The following PRKAR2A variants were observed in gnomAD, a reference collection of about 807,000 sequenced individuals.
PRKAR2A encodes protein kinase cAMP-dependent type II regulatory subunit alpha.
A neutral mutation model predicts 51.9 loss-of-function variants in PRKAR2A; 29 were observed. The ratio of observed to expected loss-of-function variants is 0.56; its 90% CI spans 0.42 to 0.76. The LOEUF (loss-of-function observed/expected upper bound fraction) is 0.76, where lower values mean the gene tolerates loss of function less well. Ranked by LOEUF, PRKAR2A falls within the 30% of genes least tolerant of loss-of-function variation. PRKAR2A has a pLI of 0.00. For synonymous variants in PRKAR2A, 178 were observed against 186.2 expected (o/e 0.96, Z 0.36); for missense variants, 445 against 512.1 (o/e 0.87, Z 1.26).
At chr3:48,799,302 C>T (rs967107678) in intron 2 of PRKAR2A, among the ~76,000 whole-genome samples, 1 of 152,074 alleles carries the variant, frequency 6.6e-6, no homozygotes, top group African/African-American at 2.4e-5. Context: ...CCTGTAATCC[C>T]AATACTTTGG....
At chr3:48,810,914 T>A (rs762205635) in intron 1 of PRKAR2A, among the ~76,000 whole-genome samples, 5 of 152,188 alleles carry the variant, frequency 3.3e-5, no homozygotes, top group Non-Finnish European at 5.9e-5. Context: ...CAGTGGCTCA[T>A]GCTTATAATC....
In PRKAR2A at chr3:48,782,150, C is replaced by G. The variant is rs575384410; in HGVS notation, c.542+836G>C. Among the ~76,000 whole-genome samples, 4 of 152,216 alleles carry G rather than the reference C, an allele frequency of 2.6e-5. No homozygotes were observed. The South Asian group carries it at 8.3e-4, about 32-fold the overall frequency. Reference sequence around the variant, plus strand: ...TTCAGGACTAAGGAGATCAGAAGGACACCCACCTCACTGCCACCAGCCAGA... The same window carrying G: ...TTCAGGACTAAGGAGATCAGAAGGAGACCCACCTCACTGCCACCAGCCAGA... On this transcript the variant is annotated intron_variant, in intron 5 of 10. Transcript: ENST00000265563.
In PRKAR2A at chr3:48,750,610, A is replaced by C. The variant is rs2081632891; in HGVS notation, c.*975T>G. 6.6e-6 allele frequency: 1 copy of C among 152,456 alleles called. No homozygotes were observed. The highest frequency in any genetic ancestry group is 1.9e-4 in the East Asian group (1 of 5,204). The allele number at this position is 152,456 out of a possible 1,614,324, so 9.4% of individuals were successfully genotyped here. A position where few individuals can be genotyped will look rare whatever the true frequency, so the allele number is the denominator to read the frequency against. On this transcript the variant is annotated 3_prime_UTR_variant, in exon 11 of 11. Coordinates refer to ENST00000265563, the MANE Select transcript of PRKAR2A (RefSeq NM_004157.4). ...AACAACTCTGGAGTAGAAGGAAAGA[A>C]CTCTCTTTATAGTACAACCTCTTTC...
intron 1 of PRKAR2A, among the ~76,000 whole-genome samples, chr3:48,820,286 A>G (rs966958047): frequency 1.3e-5 from 2 of 152,216 alleles, no homozygotes; most frequent in African/African-American, 4.8e-5. Flanking sequence ...CACCAATGGA[A>G]TAAGACACGG....
intron 5 of PRKAR2A, among the ~76,000 whole-genome samples, chr3:48,778,848 G>A (rs2082146272): frequency 9.9e-6 from 1 of 101,276 alleles, no homozygotes; most frequent in African/African-American, 4.0e-5. Context: ...TTTTTGAGAT[G>A]GAGTTTCACT....
chr3:48,847,550 C>A lies in PRKAR2A; in HGVS notation c.47G>T (p.Gly16Val). Reference sequence around the variant, plus strand: ...CTGTCGCAGCACCTCCACCGTGTAGCCCTGCAGCAGCTCCGTGAGCCCCGG... The same window carrying A: ...CTGTCGCAGCACCTCCACCGTGTAGACCTGCAGCAGCTCCGTGAGCCCCGG... The part of the protein sequence containing the change: ...IPPGLTELLQ[G>V]YTVEVLRQQP... The change falls in exon 1 of 11, where the codon GGC becomes GTC. Residue 16 changes from glycine to valine, a missense_variant. Coordinates refer to ENST00000265563, the MANE Select transcript of PRKAR2A (RefSeq NM_004157.4). The surrounding 1 kb of genome is among the most constrained non-coding windows in gnomAD (Gnocchi z 4.4). 6.4e-7 allele frequency: 1 copy of A among 1,566,176 alleles called. No homozygotes were observed. The highest frequency in any genetic ancestry group is 8.6e-7 in the Non-Finnish European group (1 of 1,159,116).
intron 4 of PRKAR2A, among the ~76,000 whole-genome samples, chr3:48,783,369 T>C (rs1575872504): frequency 6.6e-6 from 1 of 152,114 alleles, no homozygotes; most frequent in African/African-American, 2.4e-5. Flanking sequence ...TGGTCCATGT[T>C]CTCCCAGCCA....
chr3:48,767,953 A>C (rs957267929), intron 6 of PRKAR2A, among the ~76,000 whole-genome samples: 1 of 150,856 alleles, frequency 6.6e-6, no homozygotes, highest in Non-Finnish European at 1.5e-5. Context: ...AAAACCCCAC[A>C]AAAACAGAAA....
intron 3 of PRKAR2A, among the ~76,000 whole-genome samples, chr3:48,791,247 A>T (rs2082378703): frequency 7.4e-6 from 1 of 135,894 alleles, no homozygotes; most frequent in Non-Finnish European, 1.5e-5. Context: ...AGATTGTGCC[A>T]CTGCAGTCCA....
intron 9 of PRKAR2A, among the ~76,000 whole-genome samples, chr3:48,754,914 CAA>C (rs969190943): frequency 1.3e-4 from 14 of 104,582 alleles, no homozygotes; most frequent in Non-Finnish European, 2.0e-4. Flanking sequence ...AAGACTCACT[CAA>C]AAAAAAAAAA....
chr3:48,828,708 CAA>C (rs547132768), intron 1 of PRKAR2A, among the ~76,000 whole-genome samples: 5 of 83,474 alleles, frequency 6.0e-5, no homozygotes, highest in African/African-American at 1.4e-4. Context: ...CCCCTGTCTC[CAA>C]AAAAAAAAAA....
intron 4 of PRKAR2A, among the ~76,000 whole-genome samples, chr3:48,789,436 A>AAATT (rs1260946902): frequency 6.6e-6 from 1 of 151,922 alleles, no homozygotes; most frequent in Non-Finnish European, 1.5e-5. Flanking sequence ...AAACTAGCAT[A>AAATT]AATTTCTTTT....
At chr3:48,796,898 T>C (rs2082502588) in intron 2 of PRKAR2A, among the ~76,000 whole-genome samples, 1 of 152,064 alleles carries the variant, frequency 6.6e-6, no homozygotes. Context: ...GGCTTTTTGC[T>C]CAGAATTCAT....
intron 1 of PRKAR2A, among the ~76,000 whole-genome samples, chr3:48,817,447 T>G (rs1201233528): frequency 6.6e-6 from 1 of 151,024 alleles, no homozygotes; most frequent in Non-Finnish European, 1.5e-5. Context: ...AGGTCTGGAG[T>G]TCGAGACCAG....
chr3:48,776,875 A>T (rs987564901), intron 5 of PRKAR2A, among the ~76,000 whole-genome samples: 2 of 151,962 alleles, frequency 1.3e-5, no homozygotes, highest in Non-Finnish European at 2.9e-5. Context: ...ATTCCATAAC[A>T]TGCTTAAAAC....
chr3:48,847,070 C>T lies in PRKAR2A; in HGVS notation c.262+265G>A, dbSNP rs2083474507. ...AAAGGCGAGGGATCCTCTAGCAGGG[C>T]CGACAGCGCGCACGTTTCCTTCAAG... On this transcript the variant is annotated intron_variant, in intron 1 of 10. Coordinates refer to ENST00000265563, the MANE Select transcript of PRKAR2A (RefSeq NM_004157.4). The surrounding 1 kb of genome is among the most constrained non-coding windows in gnomAD (Gnocchi z 4.4). Among the ~76,000 whole-genome samples, 1 of 152,250 alleles carries T rather than the reference C, an allele frequency of 6.6e-6. No individual in the cohort carries two copies. Among genetic ancestry groups the T allele is most frequent in the African/African-American group, 2.4e-5 (1 of 41,472 alleles).
Position 48,774,309 on chromosome 3 carries a change from T to C in PRKAR2A, c.543-1201A>G, listed in dbSNP as rs545572744. ...CATTTCATGTCCTCTCTTCTATTAA[T>C]AGTTACTTTGAAATATGCTAAATAT... On this transcript the variant is annotated intron_variant, in intron 5 of 10. Coordinates refer to ENST00000265563, the MANE Select transcript of PRKAR2A (RefSeq NM_004157.4). Among the ~76,000 whole-genome samples the C allele has an allele frequency of 1.3e-3, 203 of 152,232 alleles. 1 individual carries two copies. The highest frequency in any genetic ancestry group is 2.3e-3 in the Non-Finnish European group (157 of 68,012).
rs2082230417 is a variant in PRKAR2A, at chr3:48,783,107, CAAG to C, written c.436-18_436-16del. ...GAAAGCTGTTCCTGCAGGGTATGCA[CAAG>C]AAGAAAAAAATAGCCTTTACATATG... On this transcript the variant is annotated splice_polypyrimidine_tract_variant and intron_variant, in intron 4 of 10. Transcript: ENST00000265563. 1.3e-6 allele frequency: 2 copies of C among 1,564,132 alleles called. No homozygotes were observed. Among genetic ancestry groups the C allele is most frequent in the Admixed American group, 3.4e-5 (2 of 58,760 alleles).
intron 1 of PRKAR2A, among the ~76,000 whole-genome samples, chr3:48,829,820 T>C (rs1345816971): frequency 7.5e-6 from 1 of 133,952 alleles, no homozygotes; most frequent in East Asian, 2.3e-4. Context: ...TATATGTATG[T>C]ATATACATAC....
Sources: allele counts gnomAD v4.1 joint callset (sites outside exome capture counted in the v4.1 genomes callset), GRCh38; gene constraint gnomAD v4.1.1; non-coding constraint Gnocchi (gnomAD v3.1); transcripts MANE v1.5; gene names NCBI Gene and HGNC (gene_info 2026-07-23, HGNC 2026-07-21).